PDE1C: variants seen among roughly 807,000 people sequenced by gnomAD.
PDE1C encodes phosphodiesterase 1C.
Under a neutral mutation model 93.1 loss-of-function variants are expected in PDE1C, and 62 were observed. That is an observed-to-expected ratio of 0.67 (90% CI 0.54 to 0.82). The LOEUF (loss-of-function observed/expected upper bound fraction) is 0.82. PDE1C is among the 40% of genes least tolerant of loss of function. PDE1C has a pLI of 0.00. For missense variants in PDE1C, 742 were observed against 884.6 expected (o/e 0.84, Z 2.04); for synonymous variants, 325 against 310.1 (o/e 1.05, Z -0.50).
intron 2 of PDE1C, among the ~76,000 whole-genome samples, chr7:31,934,303 A>T (rs1804724712): frequency 6.6e-6 from 1 of 152,214 alleles, no homozygotes. Flanking sequence ...TCAGTTTTTT[A>T]AAATGTGCCC....
chr7:31,983,663 A>C (rs548783013), intron 2 of PDE1C, among the ~76,000 whole-genome samples: 1 of 152,346 alleles, frequency 6.6e-6, no homozygotes, highest in East Asian at 1.9e-4. Flanking sequence ...TTTACAGGGA[A>C]GGATACTGCC....
At chr7:32,302,198 G>GT (rs1812897812), upstream of PDE1C, among the ~76,000 whole-genome samples, 1 of 152,172 alleles carries the variant, frequency 6.6e-6, no homozygotes, top group African/African-American at 2.4e-5. Flanking sequence ...ATCTGTCAGG[G>GT]TTTGGGTAAC....
At chr7:31,923,967 A>C (rs528718970) in intron 2 of PDE1C, among the ~76,000 whole-genome samples, 110 of 152,208 alleles carry the variant, frequency 7.2e-4, no homozygotes, top group African/African-American at 2.5e-3. Context: ...CTTTTTTTCT[A>C]TTCAGCTTTT....
intron 1 of PDE1C, among the ~76,000 whole-genome samples, chr7:32,310,682 T>A (rs946971459): frequency 1.3e-5 from 2 of 151,842 alleles, no homozygotes; most frequent in Non-Finnish European, 2.9e-5. Context: ...AAGGCAGAAA[T>A]AAAGATGTTC....
In PDE1C at chr7:31,801,130, AAAT is replaced by A. The variant is rs557194603; in HGVS notation, c.1891+7898_1891+7900del. 5.4e-4 allele frequency among the ~76,000 whole-genome samples: 81 copies of A among 151,206 alleles called. 2 individuals are homozygous for A. In the South Asian group the frequency reaches 0.013, roughly 24 times the overall value. On this transcript the variant is annotated intron_variant, in intron 16 of 17. Coordinates refer to ENST00000396191, the MANE Select transcript of PDE1C (RefSeq NM_001191057.4). ...AACCCAATAGCAAGCAGAAGAAAGG[AAAT>A]AATAAAGATGGATATTAATAAAATA...
In PDE1C at chr7:31,753,527, T is replaced by C; in HGVS notation, c.1987A>G (p.Lys663Glu). 6.2e-7 allele frequency: 1 copy of C among 1,611,264 alleles called. No homozygotes were observed. Among genetic ancestry groups the C allele is most frequent in the Non-Finnish European group, 8.5e-7 (1 of 1,179,182 alleles). ...GAGCTAGATGCGTAAGCAGGGCGTT[T>C]AAAATGACGCAAAGGAGGCTTGATG... ...PVIKPPLRHF[K>E]RPAYASSSYA... Residue 663 changes from lysine (K) to glutamate (E), a missense_variant, in exon 18 of 18, where the codon AAA becomes GAA. Lys to Glu is a moderately conservative substitution (Grantham distance 56). Coordinates refer to ENST00000396191, the MANE Select transcript of PDE1C (RefSeq NM_001191057.4).
intron 16 of PDE1C, among the ~76,000 whole-genome samples, chr7:31,794,132 GCAGA>G (rs755488003): frequency 1.9e-3 from 281 of 147,764 alleles, no homozygotes; most frequent in African/African-American, 5.0e-3. Flanking sequence ...AGGCAGGCAG[GCAGA>G]CAGACAGACA....
intron 1 of PDE1C, among the ~76,000 whole-genome samples, chr7:32,256,936 A>T (rs1809835810): frequency 6.6e-6 from 1 of 152,188 alleles, no homozygotes; most frequent in Non-Finnish European, 1.5e-5. Flanking sequence ...AGGCCCCCAG[A>T]AAAGGTCATT....
At chr7:32,147,993 A>AAAAG (rs1468716201) in intron 3 of PDE1C, among the ~76,000 whole-genome samples, 2 of 150,354 alleles carry the variant, frequency 1.3e-5, no homozygotes, top group Admixed American at 6.6e-5. Context: ...CTAAAAAAAA[A>AAAAG]AAAAAAAAAA....
At chr7:32,344,581 C>G (rs909680636) in intron 1 of PDE1C, among the ~76,000 whole-genome samples, 1 of 152,096 alleles carries the variant, frequency 6.6e-6, no homozygotes. Context: ...TTCTTTCCCC[C>G]AGATATCACT....
chr7:31,852,175 TGGTAAG>T (rs1375081810), intron 7 of PDE1C, among the ~76,000 whole-genome samples: 1 of 152,186 alleles, frequency 6.6e-6, no homozygotes, highest in Non-Finnish European at 1.5e-5. Context: ...CTTTAAAAAT[TGGTAAG>T]GGGAAAATAA....
intron 14 of PDE1C, among the ~76,000 whole-genome samples, chr7:31,817,822 AT>A (rs924590870): frequency 6.6e-6 from 1 of 152,106 alleles, no homozygotes; most frequent in African/African-American, 2.4e-5. Context: ...CAAAGCCCAA[AT>A]TTGGTCCAGA....
the PDE1C span, among the ~76,000 whole-genome samples, chr7:31,733,675 T>G: frequency 0.066 from 10,024 of 152,228 alleles, 392 homozygotes; most frequent in Non-Finnish European, 0.092. Context: ...CTTTTTGAAG[T>G]TATTACTAAA....
chr7:32,358,519 T>C (rs1370420396), intron 1 of PDE1C, among the ~76,000 whole-genome samples: 1 of 152,030 alleles, frequency 6.6e-6, no homozygotes, highest in Non-Finnish European at 1.5e-5. Flanking sequence ...CTGAGCTCTG[T>C]AAAGAGACTA....
chr7:31,678,996 T>C, the PDE1C span, among the ~76,000 whole-genome samples: 3 of 152,200 alleles, frequency 2.0e-5, no homozygotes, highest in African/African-American at 7.2e-5. Context: ...CTGAAAGCAT[T>C]GGCAGAAATA....
intron 1 of PDE1C, among the ~76,000 whole-genome samples, chr7:32,057,123 A>T (rs966117349): frequency 2.0e-5 from 3 of 152,250 alleles, no homozygotes; most frequent in Non-Finnish European, 4.4e-5. Context: ...AATCCTTGGA[A>T]ATATCTAAAA....
At chr7:31,792,867 T>G (rs1784738020) in intron 16 of PDE1C, among the ~76,000 whole-genome samples, 1 of 152,104 alleles carries the variant, frequency 6.6e-6, no homozygotes, top group African/African-American at 2.4e-5. Flanking sequence ...ATCCTTCCAC[T>G]TTTTAAAGAG....
At chr7:32,152,335 G>A (rs1243643193) in intron 3 of PDE1C, among the ~76,000 whole-genome samples, 2 of 152,226 alleles carry the variant, frequency 1.3e-5, no homozygotes, top group African/African-American at 4.8e-5. Flanking sequence ...ATGGATCCCT[G>A]CCAGGAGCAG....
At chr7:31,998,307 C>A (rs193032682) in intron 2 of PDE1C, among the ~76,000 whole-genome samples, 1 of 152,290 alleles carries the variant, frequency 6.6e-6, no homozygotes, top group East Asian at 1.9e-4. Context: ...GTGTGAGCCA[C>A]CACACCCAGC....
Sources: gnomAD v4.1 joint callset for allele counts (sites outside exome capture counted in the v4.1 genomes callset) on GRCh38, gnomAD v4.1.1 for gene constraint, MANE v1.5 for transcripts, NCBI Gene and HGNC (gene_info 2026-07-23, HGNC 2026-07-21) for gene names.